The following TSPAN10 variants were observed in gnomAD, a reference collection of about 807,000 sequenced individuals.
TSPAN10 encodes tetraspanin-10.
Under a neutral mutation model 15.0 loss-of-function variants are expected in TSPAN10, and 11 were observed. The observed-to-expected ratio is 0.73, with a 90% confidence interval of 0.46 to 1.21. The LOEUF is 1.21. Ranked by LOEUF, TSPAN10 falls within the 50% of genes most tolerant of loss-of-function variation. The probability of loss-of-function intolerance (pLI) is 0.00; values close to 1 mark genes in which losing one functional copy is unlikely to be tolerated. For synonymous variants in TSPAN10, 241 were observed against 226.2 expected (o/e 1.07, Z -0.59); for missense variants, 486 against 470.6 (o/e 1.03, Z -0.30).
chr17:81,648,319 G>A, downstream of TSPAN10: 2 of 1,203,368 alleles, frequency 1.7e-6, no homozygotes, highest in Non-Finnish European at 2.1e-6. Context: ...GTCCGAGACC[G>A]CCACGCACAG....
intron 1 of TSPAN10, among the ~76,000 whole-genome samples, chr17:81,644,575 T>G (rs1309741934): frequency 1.3e-5 from 2 of 152,154 alleles, no homozygotes; most frequent in Admixed American, 1.3e-4. Flanking sequence ...AGATGCTGTT[T>G]CAAACTCTGG....
At chr17:81,646,072 T>A in intron 2 of TSPAN10, 1 of 262,802 alleles carries the variant, frequency 3.8e-6, no homozygotes, top group Non-Finnish European at 7.2e-6. Flanking sequence ...GGAGCTTAGT[T>A]GAGAAGCTGA....
At chr17:81,637,451 G>T, upstream of TSPAN10, 1 of 631,590 alleles carries the variant, frequency 1.6e-6, no homozygotes, top group Non-Finnish European at 2.9e-6. Context: ...ACACCTTCAT[G>T]TTTTTTTTTT....
At chr17:81,647,657 C>G in intron 2 of TSPAN10, 1 of 650,628 alleles carries the variant, frequency 1.5e-6, no homozygotes, top group East Asian at 2.7e-5. Flanking sequence ...TGCTAGTCAA[C>G]ACAGCCACCA....
chr17:81,640,902 G>T (rs192649158), upstream of TSPAN10, among the ~76,000 whole-genome samples: 1 of 152,214 alleles, frequency 6.6e-6, no homozygotes, highest in Admixed American at 6.5e-5. Context: ...GCCGGGCGTG[G>T]TGGCTCACGC....
At chr17:81,641,051 G>A (rs2036173356), upstream of TSPAN10, among the ~76,000 whole-genome samples, 1 of 151,982 alleles carries the variant, frequency 6.6e-6, no homozygotes, top group African/African-American at 2.4e-5. Flanking sequence ...TGCAATCCTA[G>A]TTACTCAGGA....
At chr17:81,641,243 T>C (rs1402379118), upstream of TSPAN10, among the ~76,000 whole-genome samples, 1 of 152,138 alleles carries the variant, frequency 6.6e-6, no homozygotes, top group East Asian at 1.9e-4. Flanking sequence ...TGACCCTGGC[T>C]GTGGAGCTGC....
chr17:81,642,359 C>G (rs531703934), upstream of TSPAN10: 6 of 1,609,146 alleles, frequency 3.7e-6, no homozygotes, highest in Non-Finnish European at 5.1e-6. Context: ...CACAGAGGAG[C>G]CAGCGAACCT....
At chr17:81,643,915 A>T (rs2036207488) in intron 1 of TSPAN10, among the ~76,000 whole-genome samples, 1 of 151,502 alleles carries the variant, frequency 6.6e-6, no homozygotes, top group Admixed American at 6.6e-5. Flanking sequence ...CCTCCTGCTC[A>T]TGCAACCTCC....
At chr17:81,641,608 T>A (rs977059429), upstream of TSPAN10, among the ~76,000 whole-genome samples, 45 of 109,094 alleles carry the variant, frequency 4.1e-4, no homozygotes, top group African/African-American at 1.8e-3. Flanking sequence ...GACCACCTCT[T>A]TGGACTGCTG....
chr17:81,645,220 C>A (rs1391760381), exon 2 of TSPAN10: 1 of 1,540,668 alleles, frequency 6.5e-7, no homozygotes, highest in Non-Finnish European at 8.7e-7. Context: ...CCCCTTCTCC[C>A]TGCTGGGGCT....
chr17:81,647,227 A>C (rs948309829), intron 2 of TSPAN10, among the ~76,000 whole-genome samples: 3 of 152,198 alleles, frequency 2.0e-5, no homozygotes, highest in African/African-American at 7.2e-5. Flanking sequence ...TCGTGATGCC[A>C]CGTCTGCTGC....
At chr17:81,642,548 C>A in intron 1 of TSPAN10, 100 bp downstream of exon 2, 1 of 1,211,290 alleles carries the variant, frequency 8.3e-7, no homozygotes, top group Non-Finnish European at 1.2e-6. Context: ...ACCCCTGCCC[C>A]TGGTGCCACC....
chr17:81,642,938 G>A (rs887101345), intron 1 of TSPAN10, among the ~76,000 whole-genome samples: 6 of 151,516 alleles, frequency 4.0e-5, no homozygotes, highest in African/African-American at 1.5e-4. Flanking sequence ...GATTGCGTGA[G>A]CCCAGGAGTT....
chr17:81,645,929 C>T (rs2036246914), intron 2 of TSPAN10: 3 of 547,642 alleles, frequency 5.5e-6, no homozygotes, highest in Non-Finnish European at 9.8e-6. Flanking sequence ...CATACACACA[C>T]GTGTCATGCA....
intron 2 of TSPAN10, among the ~76,000 whole-genome samples, chr17:81,647,165 A>C (rs1030296509): frequency 7.9e-4 from 120 of 152,280 alleles, no homozygotes; most frequent in African/African-American, 2.8e-3. Flanking sequence ...AGCACCACAT[A>C]GGTTGGTTTT....
upstream of TSPAN10, chr17:81,639,205 C>CTTTTTTTT (rs1184054370): frequency 9.1e-6 from 1 of 110,430 alleles, no homozygotes; most frequent in Non-Finnish European, 1.9e-5. Flanking sequence ...AATTACTTTT[C>CTTTTTTTT]TTTTTTTTTT....
At chr17:81,637,218 G>A in exon 1 of TSPAN10, 1 of 483,068 alleles carries the variant, frequency 2.1e-6, no homozygotes, top group Non-Finnish European at 3.7e-6. Context: ...CCTGCAACTG[G>A]AGGAGGGGAT....
At chr17:81,641,110 A>T (rs1001430225), upstream of TSPAN10, among the ~76,000 whole-genome samples, 1 of 151,874 alleles carries the variant, frequency 6.6e-6, no homozygotes, top group Admixed American at 6.6e-5. Context: ...GGTTGCGGTG[A>T]GTCAAAATCG....
Sources: gnomAD v4.1 joint callset for allele counts (sites outside exome capture counted in the v4.1 genomes callset) on GRCh38, gnomAD v4.1.1 for gene constraint, MANE v1.5 for transcripts, NCBI Gene and HGNC (gene_info 2026-07-23, HGNC 2026-07-21) for gene names.